PRKCI: variants seen among roughly 807,000 people sequenced by gnomAD.
PRKCI encodes the protein protein kinase C iota, also known as protein kinase C iota type.
Under a neutral mutation model 84.0 loss-of-function variants are expected in PRKCI, and 43 were observed. The observed-to-expected ratio is 0.51, with a 90% CI of 0.40 to 0.66. The LOEUF (loss-of-function observed/expected upper bound fraction) is 0.66. Ranked by LOEUF, PRKCI falls within the 30% of genes least tolerant of loss-of-function variation. PRKCI has a pLI of 0.00. For missense variants in PRKCI, 459 were observed against 745.6 expected (o/e 0.62, Z 4.48); for synonymous variants, 216 against 234.4 (o/e 0.92, Z 0.72).
chr3:170,295,549 G>A (rs1734668618), intron 14 of PRKCI, among the ~76,000 whole-genome samples: 2 of 151,526 alleles, frequency 1.3e-5, no homozygotes, highest in South Asian at 4.2e-4. Context: ...AGTGGCACAC[G>A]CCTGTAATCC....
chr3:170,282,521 A>T (rs12330264), intron 11 of PRKCI, among the ~76,000 whole-genome samples: 7,036 of 151,530 alleles, frequency 0.046, 529 homozygotes, highest in African/African-American at 0.16. Flanking sequence ...ACATGGTGAA[A>T]CCCTGTCTCT....
At chr3:170,283,030 G>A (rs1051530552) in intron 11 of PRKCI, among the ~76,000 whole-genome samples, 27 of 151,816 alleles carry the variant, frequency 1.8e-4, no homozygotes, top group African/African-American at 5.3e-4. Flanking sequence ...GCTTGAGCCC[G>A]GGAGGCGGAG....
intron 1 of PRKCI, among the ~76,000 whole-genome samples, chr3:170,230,960 T>G (rs183534386): frequency 5.3e-4 from 79 of 149,146 alleles, no homozygotes; most frequent in East Asian, 4.0e-3. Context: ...ATTTTTTTTT[T>G]TTGTTTTTTT....
chr3:170,245,955 T>TTTTTTTGTTTGTTTGTTTG (rs1733270793), intron 2 of PRKCI, among the ~76,000 whole-genome samples: 1 of 143,244 alleles, frequency 7.0e-6, no homozygotes, highest in East Asian at 2.0e-4. Flanking sequence ...CTTTGTTTTT[T>TTTTTTTGTTTGTTTGTTTG]TTTTTTTTTT....
intron 2 of PRKCI, among the ~76,000 whole-genome samples, chr3:170,248,019 G>A (rs1011691392): frequency 6.6e-6 from 1 of 152,148 alleles, no homozygotes; most frequent in African/African-American, 2.4e-5. Context: ...TCCAGAGGCA[G>A]GATGGCAGTA....
chr3:170,297,768 A>G (rs1026234909), intron 16 of PRKCI, among the ~76,000 whole-genome samples: 2 of 151,872 alleles, frequency 1.3e-5, no homozygotes, highest in African/African-American at 2.4e-5. Context: ...TCTCGGGCCA[A>G]ATTTTATTGT....
intron 1 of PRKCI, among the ~76,000 whole-genome samples, chr3:170,231,565 A>G (rs993658820): frequency 6.6e-6 from 1 of 151,898 alleles, no homozygotes; most frequent in African/African-American, 2.4e-5. Context: ...CCCAAGTTCA[A>G]GTGATTCTCC....
intron 2 of PRKCI, 79 bp from the exon 3 acceptor site, chr3:170,259,888 ATT>A: frequency 1.4e-6 from 1 of 705,150 alleles, no homozygotes; most frequent in Admixed American, 2.9e-5. Flanking sequence ...TTTTCTAAAA[ATT>A]TACATTATGA....
chr3:170,225,617 A>G (rs1732608802), intron 1 of PRKCI, among the ~76,000 whole-genome samples: 1 of 150,414 alleles, frequency 6.6e-6, no homozygotes, highest in Non-Finnish European at 1.5e-5. Context: ...CGTGTTGCCC[A>G]GGCTAATCCC....
chr3:170,260,553 C>T (rs1733698678), intron 3 of PRKCI, among the ~76,000 whole-genome samples: 1 of 152,046 alleles, frequency 6.6e-6, no homozygotes, highest in African/African-American at 2.4e-5. Flanking sequence ...CCTCTGCCTC[C>T]TGGGTTCAAG....
intron 4 of PRKCI, among the ~76,000 whole-genome samples, chr3:170,266,171 A>G (rs754418432): frequency 1.3e-5 from 2 of 152,196 alleles, no homozygotes; most frequent in Non-Finnish European, 2.9e-5. Context: ...AAGGTGGACT[A>G]GATTTGATCG....
rs1393309823 is a variant in PRKCI, at chr3:170,280,279, A to G, written c.758A>G (p.Asp253Gly). ...GKASSSLGLQ[D>G]FDLLRVIGRG... ...GCTTCATCCAGTCTAGGTCTTCAGG[A>G]TTTTGATTTGCTCCGGGTAATAGGA... Residue 253 changes from aspartate to glycine, a missense_variant, in exon 9 of 18, where the codon GAT becomes GGT. Coordinates refer to ENST00000295797, the MANE Select transcript of PRKCI (RefSeq NM_002740.6). 1.9e-6 allele frequency: 3 copies of G among 1,613,224 alleles called. No individual in the cohort carries two copies. The highest frequency in any genetic ancestry group is 1.7e-6 in the Non-Finnish European group (2 of 1,179,978).
At chr3:170,274,508 G>A (rs1351679368) in intron 7 of PRKCI, among the ~76,000 whole-genome samples, 1 of 152,120 alleles carries the variant, frequency 6.6e-6, no homozygotes, top group East Asian at 1.9e-4. Flanking sequence ...ATGCAATATA[G>A]GAAATTCCAG....
intron 12 of PRKCI, among the ~76,000 whole-genome samples, chr3:170,287,286 G>A (rs1293894376): frequency 1.3e-5 from 2 of 151,800 alleles, no homozygotes; most frequent in African/African-American, 4.8e-5. Context: ...TCGCGCCACT[G>A]CACTCCAGTC....
In PRKCI at chr3:170,222,520, A is replaced by T. The variant is rs952546761; in HGVS notation, c.-150A>T. On this transcript the variant is annotated 5_prime_UTR_variant, in exon 1 of 18. Transcript: ENST00000295797. ...CGGTTCCGGCTGCTCCGGCGAGGCGACCCTTGGGTCGGCGCTGCGGGCGAG... is the reference window on the plus strand; with the variant it reads ...CGGTTCCGGCTGCTCCGGCGAGGCGTCCCTTGGGTCGGCGCTGCGGGCGAG... 3.2e-6 allele frequency: 2 copies of T among 630,236 alleles called. No individual in the cohort carries two copies. The highest frequency in any genetic ancestry group is 1.9e-5 in the African/African-American group (1 of 51,324). The allele number at this position is 630,236 out of a possible 1,614,324, so 39.0% of individuals were successfully genotyped here. A position where few individuals can be genotyped will look rare whatever the true frequency, so the allele number is the denominator to read the frequency against.
chr3:170,265,146 G>A (rs922540160), intron 4 of PRKCI, among the ~76,000 whole-genome samples: 1 of 150,604 alleles, frequency 6.6e-6, no homozygotes, highest in Admixed American at 6.7e-5. Context: ...CTGAGGTCGC[G>A]CCAGTACATT....
chr3:170,235,455 A>G (rs749697125), intron 2 of PRKCI, 104 bp downstream of exon 2: 473 of 1,250,756 alleles, frequency 3.8e-4, no homozygotes, highest in Non-Finnish European at 5.0e-4. Context: ...AGGAAAGACT[A>G]TTAGAAATTT....
intron 2 of PRKCI, among the ~76,000 whole-genome samples, chr3:170,235,778 G>A (rs1393646785): frequency 6.6e-6 from 1 of 151,942 alleles, no homozygotes; most frequent in African/African-American, 2.4e-5. Flanking sequence ...TGTTGGCCAA[G>A]CTGGTCTCAA....
intron 2 of PRKCI, among the ~76,000 whole-genome samples, chr3:170,236,173 C>T (rs961456360): frequency 6.6e-6 from 1 of 151,592 alleles, no homozygotes; most frequent in African/African-American, 2.4e-5. Flanking sequence ...ATGATATCAG[C>T]TCACTGTAAC....
Sources: allele counts gnomAD v4.1 joint callset (sites outside exome capture counted in the v4.1 genomes callset), GRCh38; gene constraint gnomAD v4.1.1; transcripts MANE v1.5; gene names NCBI Gene and HGNC (gene_info 2026-07-23, HGNC 2026-07-21).